Variants in SUPT3H observed in about 807,000 individuals in gnomAD.
The protein encoded by SUPT3H is transcription initiation protein SPT3 homolog.
In SUPT3H, 44 loss-of-function variants were observed where a neutral mutation model predicts 44.3. The observed-to-expected ratio is 0.99, with a 90% CI of 0.78 to 1.28. The LOEUF is 1.28. SUPT3H is among the 50% of genes most tolerant of loss of function. SUPT3H has a pLI of 0.00. For synonymous variants in SUPT3H, 124 were observed against 125.6 expected, an observed-to-expected ratio of 0.99 and a Z score of 0.09; for missense variants, 380 against 387.1, an observed-to-expected ratio of 0.98 and a Z score of 0.15.
intron 2 of SUPT3H, among the ~76,000 whole-genome samples, chr6:45,264,519 G>C (rs1218658313): frequency 6.6e-6 from 1 of 152,086 alleles, no homozygotes; most frequent in Non-Finnish European, 1.5e-5. Flanking sequence ...AATTAGCCAG[G>C]CATGGTGGTG....
chr6:45,197,655 A>AT, intron 2 of SUPT3H: 1 of 348,974 alleles, frequency 2.9e-6, no homozygotes, highest in Non-Finnish European at 5.7e-6. Flanking sequence ...TGACAATACT[A>AT]TTTTTTCATT....
In SUPT3H at chr6:45,142,870, T is replaced by A. The variant is rs1317247660; in HGVS notation, c.102-36864A>T. On this transcript the variant is annotated intron_variant, in intron 2 of 10. Coordinates refer to ENST00000371459, the MANE Select transcript of SUPT3H (RefSeq NM_003599.4). ...ATAAGGTAAAGGAGTGGAAAGATAT[T>A]TCACGCAAATGGAAACTAAAAGCGA... is the stretch of plus-strand genomic sequence containing the variant. 3.3e-5 allele frequency among the ~76,000 whole-genome samples: 5 copies of A among 151,094 alleles called. No homozygotes were observed. In the East Asian group the frequency reaches 9.7e-4, roughly 29 times the overall value.
At chr6:45,016,323 T>A (rs1562265839) in intron 4 of SUPT3H, among the ~76,000 whole-genome samples, 1 of 151,884 alleles carries the variant, frequency 6.6e-6, no homozygotes, top group South Asian at 2.1e-4. Context: ...AATTGTTTTT[T>A]AAATTTTTTT....
intron 6 of SUPT3H, among the ~76,000 whole-genome samples, chr6:44,998,867 A>T (rs1054979364): frequency 6.6e-6 from 1 of 151,970 alleles, no homozygotes; most frequent in African/African-American, 2.4e-5. Context: ...TTCCAATTTA[A>T]TAATGAAAGA....
chr6:45,014,502 G>A (rs1783952116), intron 5 of SUPT3H, among the ~76,000 whole-genome samples: 1 of 152,044 alleles, frequency 6.6e-6, no homozygotes, highest in Non-Finnish European at 1.5e-5. Flanking sequence ...TTGGAATTCC[G>A]GTCTGTTTTA....
intron 6 of SUPT3H, among the ~76,000 whole-genome samples, chr6:44,993,175 A>C (rs1283762375): frequency 6.6e-6 from 1 of 152,086 alleles, no homozygotes; most frequent in Non-Finnish European, 1.5e-5. Context: ...AAACAAAACA[A>C]AACAAAAACA....
intron 10 of SUPT3H, among the ~76,000 whole-genome samples, chr6:44,886,797 G>T (rs913223602): frequency 8.5e-5 from 13 of 152,070 alleles, no homozygotes; most frequent in Admixed American, 6.6e-4. Context: ...TGGACTAAAT[G>T]CTCCAATTAA....
chr6:45,077,405 T>C (rs1795136505), intron 3 of SUPT3H, among the ~76,000 whole-genome samples: 2 of 151,778 alleles, frequency 1.3e-5, no homozygotes, highest in Non-Finnish European at 2.9e-5. Context: ...AGTGGGAGGA[T>C]CGCTTAAGTC....
At chr6:45,036,731 T>C (rs1261514445) in intron 3 of SUPT3H, among the ~76,000 whole-genome samples, 1 of 152,136 alleles carries the variant, frequency 6.6e-6, no homozygotes, top group African/African-American at 2.4e-5. Flanking sequence ...ATGCAAAATA[T>C]ATAAAAATTC....
intron 2 of SUPT3H, among the ~76,000 whole-genome samples, chr6:45,125,596 T>C (rs1169465348): frequency 6.6e-6 from 1 of 152,154 alleles, no homozygotes; most frequent in Admixed American, 6.5e-5. Context: ...TGTTTTGATT[T>C]GTGATTTCAG....
chr6:45,061,815 T>C (rs1195738675), intron 3 of SUPT3H, among the ~76,000 whole-genome samples: 1 of 151,764 alleles, frequency 6.6e-6, no homozygotes, highest in Non-Finnish European at 1.5e-5. Context: ...TTGAAAATGA[T>C]ACCATTGTTC....
At chr6:45,222,909 T>C (rs1394139411) in intron 2 of SUPT3H, among the ~76,000 whole-genome samples, 4 of 152,134 alleles carry the variant, frequency 2.6e-5, no homozygotes, top group Non-Finnish European at 5.9e-5. Flanking sequence ...TGAATCTTCA[T>C]GGAATTATGT....
Position 45,345,313 on chromosome 6 carries a change from T to C in SUPT3H, c.101+19888A>G, listed in dbSNP as rs533297218. Among the ~76,000 whole-genome samples the C allele has an allele frequency of 1.9e-3, 285 of 152,300 alleles. 1 individual carries two copies. The highest frequency in any genetic ancestry group is 6.3e-3 in the African/African-American group (262 of 41,566). ...TGCTATGAGGTTGACAGTAAAACTT[T>C]TGCCCCATCTCAGCAACCAGAGGGA... On this transcript the variant is annotated intron_variant, in intron 2 of 10. Transcript: ENST00000371459.
chr6:45,284,566 G>C (rs1413345799), intron 2 of SUPT3H, among the ~76,000 whole-genome samples: 1 of 152,128 alleles, frequency 6.6e-6, no homozygotes, highest in Non-Finnish European at 1.5e-5. Flanking sequence ...TCTCTGAATA[G>C]ACCAATAACA....
intron 2 of SUPT3H, among the ~76,000 whole-genome samples, chr6:45,243,829 CT>C (rs1770842146): frequency 6.6e-6 from 1 of 152,182 alleles, no homozygotes; most frequent in South Asian, 2.1e-4. Context: ...TGTATTTCCC[CT>C]GTATCAGATT....
Position 44,815,808 on chromosome 6 carries a change from A to T in SUPT3H, c.*53-6307T>A, listed in dbSNP as rs190230070. Reference sequence around the variant, plus strand: ...AGTAAGTATACAGAAGAACTGAATAACACTGTTAGGTTGATGCAAAAGTAA... The same window carrying T: ...AGTAAGTATACAGAAGAACTGAATATCACTGTTAGGTTGATGCAAAAGTAA... On this transcript the variant is annotated intron_variant and NMD_transcript_variant, in intron 11 of 11. Transcript: ENST00000475057. 4.1e-4 allele frequency among the ~76,000 whole-genome samples: 62 copies of T among 152,130 alleles called. 1 individual carries two copies. The highest frequency in any genetic ancestry group is 5.9e-5 in the Non-Finnish European group (4 of 67,908).
At chr6:44,951,832 C>G (rs1434722978) in intron 9 of SUPT3H, among the ~76,000 whole-genome samples, 3 of 152,136 alleles carry the variant, frequency 2.0e-5, no homozygotes. Context: ...TAAATTTTCT[C>G]AATTAGAAAT....
At chr6:45,240,862 A>G (rs922333140) in intron 2 of SUPT3H, among the ~76,000 whole-genome samples, 1 of 152,332 alleles carries the variant, frequency 6.6e-6, no homozygotes, top group African/African-American at 2.4e-5. Flanking sequence ...AATGGAAAGA[A>G]TAAAAAAACA....
At chr6:45,199,579 C>T (rs1482053489) in intron 2 of SUPT3H, among the ~76,000 whole-genome samples, 1 of 151,270 alleles carries the variant, frequency 6.6e-6, no homozygotes, top group African/African-American at 2.4e-5. Context: ...GGTCAGGCAA[C>T]CAACCCCACT....
Sources: gnomAD v4.1 joint callset for allele counts (sites outside exome capture counted in the v4.1 genomes callset) on GRCh38, gnomAD v4.1.1 for gene constraint, MANE v1.5 for transcripts, NCBI Gene and HGNC (gene_info 2026-07-23, HGNC 2026-07-21) for gene names.